The following SAMTOR variants were observed in gnomAD, a reference collection of about 807,000 sequenced individuals.
The protein encoded by SAMTOR is UPF0532 protein C7orf60.
At chr7:112,922,017 A>C in the SAMTOR span, among the ~76,000 whole-genome samples, 1 of 151,502 alleles carries the variant, frequency 6.6e-6, no homozygotes, top group African/African-American at 2.4e-5. Context: ...CCGAAGCTGG[A>C]CTGTACTGCT....
At chr7:112,835,137 C>T in the SAMTOR span, among the ~76,000 whole-genome samples, 1 of 152,108 alleles carries the variant, frequency 6.6e-6, no homozygotes, top group African/African-American at 2.4e-5. Flanking sequence ...TCAGCATGTA[C>T]TCTCTGTGAA....
the SAMTOR span, among the ~76,000 whole-genome samples, chr7:112,833,629 T>C: frequency 6.6e-6 from 1 of 152,182 alleles, no homozygotes; most frequent in Non-Finnish European, 1.5e-5. Flanking sequence ...GCAAAACATT[T>C]CTGAGAGTCT....
chr7:112,836,117 A>G, the SAMTOR span, among the ~76,000 whole-genome samples: 1 of 152,176 alleles, frequency 6.6e-6, no homozygotes, highest in South Asian at 2.1e-4. Context: ...CTGTATTAGC[A>G]TTCCCCTTTC....
chr7:112,939,383 C>G, the SAMTOR span: 1 of 701,938 alleles, frequency 1.4e-6, no homozygotes. Flanking sequence ...AGAACTCTCC[C>G]GAAGGGCCCT....
chr7:112,913,185 C>T, the SAMTOR span, among the ~76,000 whole-genome samples: 2 of 152,254 alleles, frequency 1.3e-5, no homozygotes, highest in Admixed American at 1.3e-4. Flanking sequence ...CCAACCATCC[C>T]ATCTCCTATT....
At chr7:112,939,713 G>A in the SAMTOR span, 4 of 1,609,196 alleles carry the variant, frequency 2.5e-6, no homozygotes, top group East Asian at 2.2e-5. Context: ...GGCCCTCTGC[G>A]CACGAGCAGT....
chr7:112,890,637 A>AAT, the SAMTOR span, among the ~76,000 whole-genome samples: 17 of 150,956 alleles, frequency 1.1e-4, no homozygotes, highest in Non-Finnish European at 1.6e-4. Context: ...GTGATTACAA[A>AAT]ATATATATAT....
At chr7:112,932,344 T>C in the SAMTOR span, among the ~76,000 whole-genome samples, 2 of 152,172 alleles carry the variant, frequency 1.3e-5, no homozygotes, top group South Asian at 2.1e-4. Context: ...CCATTATATT[T>C]ATAGAAAAAT....
At chr7:112,852,298 G>A in the SAMTOR span, among the ~76,000 whole-genome samples, 34 of 152,058 alleles carry the variant, frequency 2.2e-4, no homozygotes, top group Admixed American at 1.6e-3. Flanking sequence ...ATGAAATTAC[G>A]TCTTTTGCAG....
At chr7:112,887,629 T>C in the SAMTOR span, among the ~76,000 whole-genome samples, 5 of 152,344 alleles carry the variant, frequency 3.3e-5, no homozygotes, top group South Asian at 2.1e-4. Flanking sequence ...GTAATAGATA[T>C]AGGCTTTCCA....
chr7:112,858,353 A>G, the SAMTOR span, among the ~76,000 whole-genome samples: 1 of 151,682 alleles, frequency 6.6e-6, no homozygotes, highest in Non-Finnish European at 1.5e-5. Flanking sequence ...TGAAGACCAC[A>G]CTAGATACAG....
chr7:112,829,218 T>C, the SAMTOR span, among the ~76,000 whole-genome samples: 1 of 152,206 alleles, frequency 6.6e-6, no homozygotes, highest in Non-Finnish European at 1.5e-5. Context: ...TCAATTTCCC[T>C]TTCCTTCTGC....
chr7:112,888,992 T>C, the SAMTOR span, among the ~76,000 whole-genome samples: 10 of 152,190 alleles, frequency 6.6e-5, no homozygotes, highest in African/African-American at 4.8e-5. Context: ...GATGAAATAT[T>C]ATGCAAAACA....
At chr7:112,835,525 A>C in the SAMTOR span, among the ~76,000 whole-genome samples, 6 of 152,104 alleles carry the variant, frequency 3.9e-5, no homozygotes, top group Non-Finnish European at 8.8e-5. Flanking sequence ...GTACATGTAC[A>C]GGTTACACAG....
chr7:112,869,750 A>G, the SAMTOR span, among the ~76,000 whole-genome samples: 2 of 152,198 alleles, frequency 1.3e-5, no homozygotes, highest in African/African-American at 4.8e-5. Context: ...AATGATACAG[A>G]ATTCAGAATA....
At chr7:112,867,779 T>C in the SAMTOR span, among the ~76,000 whole-genome samples, 2 of 152,228 alleles carry the variant, frequency 1.3e-5, no homozygotes, top group Non-Finnish European at 2.9e-5. Flanking sequence ...ACAGTTAATA[T>C]TTAAAAGCAA....
the SAMTOR span, among the ~76,000 whole-genome samples, chr7:112,852,145 C>A: frequency 6.6e-6 from 1 of 152,110 alleles, no homozygotes; most frequent in Admixed American, 6.6e-5. Context: ...TATAAAGACA[C>A]CTGCCCTTGT....
chr7:112,835,154 G>T, the SAMTOR span, among the ~76,000 whole-genome samples: 2 of 151,996 alleles, frequency 1.3e-5, no homozygotes, highest in East Asian at 3.9e-4. Context: ...TGAAGAAGGG[G>T]TGGCTACTAT....
chr7:112,856,750 G>A, the SAMTOR span, among the ~76,000 whole-genome samples: 1 of 152,170 alleles, frequency 6.6e-6, no homozygotes, highest in Non-Finnish European at 1.5e-5. Flanking sequence ...TTGTCCAAAT[G>A]TATTTACATA....
Sources: allele counts gnomAD v4.1 joint callset (sites outside exome capture counted in the v4.1 genomes callset), GRCh38; gene constraint gnomAD v4.1.1; transcripts MANE v1.5; gene names NCBI Gene and HGNC (gene_info 2026-07-23, HGNC 2026-07-21).